The following NFX1 variants were observed in gnomAD, a reference collection of about 807,000 sequenced individuals.
NFX1 encodes nuclear transcription factor, X-box binding 1, also known as transcriptional repressor NF-X1.
Under a neutral mutation model 137.2 loss-of-function variants are expected in NFX1, and 69 were observed. That is an observed-to-expected ratio of 0.50 (90% CI 0.41 to 0.61). The LOEUF (loss-of-function observed/expected upper bound fraction) is 0.61, where lower values mean the gene tolerates loss of function less well. Ranked by LOEUF, NFX1 falls within the 20% of genes least tolerant of loss-of-function variation. The pLI, the probability that NFX1 is intolerant of heterozygous loss-of-function variation, is 0.00. For synonymous variants in NFX1, 495 were observed against 474.1 expected (o/e 1.04, Z -0.57); for missense variants, 1,167 against 1,391.0 (o/e 0.84, Z 2.56).
intron 11 of NFX1, among the ~76,000 whole-genome samples, chr9:33,335,235 T>C (rs1442279349): frequency 2.0e-5 from 3 of 149,904 alleles, no homozygotes; most frequent in Admixed American, 6.6e-5. Context: ...TTCTTTTTTT[T>C]TTTTTTTTTT....
At chr9:33,296,758 A>C (rs980275210) in intron 2 of NFX1, among the ~76,000 whole-genome samples, 5 of 152,208 alleles carry the variant, frequency 3.3e-5, no homozygotes, top group African/African-American at 1.2e-4. Flanking sequence ...TCACATGTCC[A>C]GGGAACCTTT....
intron 5 of NFX1, among the ~76,000 whole-genome samples, chr9:33,308,040 A>G (rs1821823187): frequency 6.6e-6 from 1 of 152,008 alleles, no homozygotes; most frequent in South Asian, 2.1e-4. Flanking sequence ...CCTGGGCTCA[A>G]GCAATCTGCT....
chr9:33,333,753 C>A (rs182520583), intron 11 of NFX1, among the ~76,000 whole-genome samples: 1 of 152,066 alleles, frequency 6.6e-6, no homozygotes, highest in African/African-American at 2.4e-5. Flanking sequence ...GAAGAGTGGC[C>A]GTTTGGGAGG....
At chr9:33,361,571 A>T (rs1823992088) in intron 19 of NFX1, among the ~76,000 whole-genome samples, 1 of 152,074 alleles carries the variant, frequency 6.6e-6, no homozygotes, top group African/African-American at 2.4e-5. Flanking sequence ...TCAGGAGTTC[A>T]AGACCAGCCT....
intron 11 of NFX1, among the ~76,000 whole-genome samples, chr9:33,336,046 ATACC>A (rs1822989977): frequency 6.6e-6 from 1 of 152,194 alleles, no homozygotes; most frequent in Non-Finnish European, 1.5e-5. Flanking sequence ...TTTGGGGTAT[ATACC>A]TAGGAGTAGA....
chr9:33,367,452 C>A, intron 22 of NFX1, 63 bp from the exon 23 acceptor site: 2 of 1,547,560 alleles, frequency 1.3e-6, no homozygotes, highest in Admixed American at 1.7e-5. Context: ...GAGTTTCTAG[C>A]TTTCTGTCCA....
chr9:33,360,915 A>T (rs1823967749), intron 19 of NFX1, among the ~76,000 whole-genome samples: 1 of 152,214 alleles, frequency 6.6e-6, no homozygotes, highest in Admixed American at 6.5e-5. Flanking sequence ...TGAAAATTGT[A>T]CTAAGTGCTA....
chr9:33,353,428 A>C (rs980419703), intron 17 of NFX1, among the ~76,000 whole-genome samples: 8 of 152,072 alleles, frequency 5.3e-5, no homozygotes, highest in Non-Finnish European at 1.0e-4. Context: ...GAATGGTTAT[A>C]TATATATATA....
chr9:33,332,638 C>T (rs1822849445), intron 11 of NFX1, 136 bp downstream of exon 11: 5 of 546,196 alleles, frequency 9.2e-6, no homozygotes, highest in African/African-American at 5.7e-5. Context: ...ACTTTCACCT[C>T]AAAAGGAAAA....
intron 11 of NFX1, among the ~76,000 whole-genome samples, chr9:33,337,034 G>A (rs1193222292): frequency 2.6e-5 from 4 of 152,064 alleles, no homozygotes; most frequent in African/African-American, 9.7e-5. Flanking sequence ...CCCAGGAGGC[G>A]GAGGTTGCAG....
At chr9:33,329,327 GA>G (rs1431356511) in intron 10 of NFX1, among the ~76,000 whole-genome samples, 1 of 152,274 alleles carries the variant, frequency 6.6e-6, no homozygotes, top group African/African-American at 2.4e-5. Context: ...AATCATAGTT[GA>G]CTGCCCATGT....
chr9:33,351,627 C>T lies in NFX1; in HGVS notation c.2492C>T (p.Pro831Leu). ...GGATTACCCTGCAGTGCCACGCTAC[C>T]ATGTGGGATGCACAAATGTCAGAGA... ...SCGLPCSATL[P>L]CGMHKCQRLC... The change falls in exon 16 of 24, where the codon CCA (proline) becomes CTA (leucine). Residue 831 changes from proline (P) to leucine (L), a missense_variant. Physicochemically the swap from Pro to Leu is moderately conservative, Grantham distance 98 (BLOSUM62 -3). Transcript: ENST00000379540. 1 of 1,614,176 alleles carries T rather than the reference C, an allele frequency of 6.2e-7. No homozygotes were observed. Among genetic ancestry groups the T allele is most frequent in the Non-Finnish European group, 8.5e-7 (1 of 1,180,040 alleles).
chr9:33,351,827 AGTTCT>A, intron 16 of NFX1, 37 bp downstream of exon 16: 2 of 1,505,176 alleles, frequency 1.3e-6, no homozygotes, highest in Middle Eastern at 1.9e-4. Context: ...CATTGACTGT[AGTTCT>A]GAGGCTACTA....
chr9:33,367,372 G>A (rs754160309), intron 22 of NFX1, 143 bp from the exon 23 acceptor site: 26 of 716,044 alleles, frequency 3.6e-5, no homozygotes, highest in Non-Finnish European at 5.4e-5. Context: ...AATGCAGGTG[G>A]CCATGTCTGA....
At chr9:33,296,869 A>T (rs1250687924) in intron 2 of NFX1, among the ~76,000 whole-genome samples, 1 of 152,302 alleles carries the variant, frequency 6.6e-6, no homozygotes, top group South Asian at 2.1e-4. Context: ...TGGAAACCAT[A>T]ATTTATTTAT....
intron 19 of NFX1, among the ~76,000 whole-genome samples, chr9:33,360,674 T>C (rs895240925): frequency 6.6e-6 from 1 of 152,174 alleles, no homozygotes; most frequent in Non-Finnish European, 1.5e-5. Flanking sequence ...TGTGTGTATA[T>C]CTCTATTGTA....
At position 33,322,555 on chromosome 9, in the gene NFX1, C is replaced by G; in HGVS notation, c.1906+3428C>G. ...TAGGGCTCCCTTTCTCCACCAAGCTCCCACTTACAGAATGGAGGCTTCATC... is the reference window on the plus strand; with the variant it reads ...TAGGGCTCCCTTTCTCCACCAAGCTGCCACTTACAGAATGGAGGCTTCATC... On this transcript the variant is annotated intron_variant, in intron 9 of 23. Coordinates refer to ENST00000379540, the MANE Select transcript of NFX1 (RefSeq NM_002504.6). 1.3e-5 allele frequency among the ~76,000 whole-genome samples: 2 copies of G among 152,120 alleles called. 1 individual carries two copies. Among genetic ancestry groups the G allele is most frequent in the Non-Finnish European group, 2.9e-5 (2 of 68,010 alleles).
intron 19 of NFX1, among the ~76,000 whole-genome samples, chr9:33,362,593 G>T (rs938315933): frequency 6.6e-6 from 1 of 151,122 alleles, no homozygotes; most frequent in African/African-American, 2.4e-5. Flanking sequence ...GACCAGTGTT[G>T]TCTGACTGAG....
At chr9:33,308,693 A>G (rs1821850724) in intron 5 of NFX1, among the ~76,000 whole-genome samples, 1 of 152,238 alleles carries the variant, frequency 6.6e-6, no homozygotes, top group Non-Finnish European at 1.5e-5. Flanking sequence ...GGGTTCTATG[A>G]AAATTAAATG....
Sources: gnomAD v4.1 joint callset for allele counts (sites outside exome capture counted in the v4.1 genomes callset) on GRCh38, gnomAD v4.1.1 for gene constraint, MANE v1.5 for transcripts, NCBI Gene and HGNC (gene_info 2026-07-23, HGNC 2026-07-21) for gene names.